The following CNTNAP2 variants were observed in gnomAD, a reference collection of about 807,000 sequenced individuals.
CNTNAP2 encodes contactin-associated protein-like 2.
A neutral mutation model predicts 155.2 loss-of-function variants in CNTNAP2; 98 were observed. The observed-to-expected ratio is 0.63, with a 90% confidence interval of 0.54 to 0.75. The LOEUF is 0.75. Among genes scored for constraint, CNTNAP2 ranks in the 30% least tolerant of loss-of-function variants. The probability of loss-of-function intolerance (pLI) is 0.00; values close to 1 mark genes in which losing one functional copy is unlikely to be tolerated. For synonymous variants in CNTNAP2, 651 were observed against 631.2 expected, an observed-to-expected ratio of 1.03 and a Z score of -0.47; for missense variants, 1,727 against 1,688.1, an observed-to-expected ratio of 1.02 and a Z score of -0.40.
intron 13 of CNTNAP2, among the ~76,000 whole-genome samples, chr7:147,802,714 G>A (rs925191127): frequency 1.3e-5 from 2 of 149,776 alleles, no homozygotes; most frequent in South Asian, 4.3e-4. Context: ...GCAGTGAGCC[G>A]AGATGGCAGC....
chr7:147,810,984 A>C (rs1161882616), intron 13 of CNTNAP2, among the ~76,000 whole-genome samples: 1 of 152,236 alleles, frequency 6.6e-6, no homozygotes, highest in Non-Finnish European at 1.5e-5. Flanking sequence ...ACTCAGTTAC[A>C]GTGTACATGT....
chr7:146,865,801 C>T (rs1394135560), intron 3 of CNTNAP2, among the ~76,000 whole-genome samples: 3 of 152,084 alleles, frequency 2.0e-5, no homozygotes, highest in Non-Finnish European at 4.4e-5. Context: ...TTCTATTCTT[C>T]AAATGACACA....
chr7:148,247,579 G>A (rs1003092250), intron 20 of CNTNAP2, among the ~76,000 whole-genome samples: 3 of 149,344 alleles, frequency 2.0e-5, no homozygotes, highest in South Asian at 2.2e-4. Flanking sequence ...TTGCTGTTTC[G>A]GGTCAGCTTC....
intron 1 of CNTNAP2, among the ~76,000 whole-genome samples, chr7:146,202,317 G>C (rs996532549): frequency 2.0e-5 from 3 of 152,020 alleles, no homozygotes; most frequent in African/African-American, 7.2e-5. Context: ...TTTTTTAACT[G>C]ATGGCTAAAT....
intron 2 of CNTNAP2, among the ~76,000 whole-genome samples, chr7:146,776,709 C>T (rs1802396072): frequency 6.6e-6 from 1 of 151,900 alleles, no homozygotes; most frequent in Non-Finnish European, 1.5e-5. Context: ...ACATCTTTTA[C>T]AAGAAAAAAT....
chr7:147,127,962 A>G (rs1801274659), intron 6 of CNTNAP2, among the ~76,000 whole-genome samples: 1 of 152,160 alleles, frequency 6.6e-6, no homozygotes, highest in African/African-American at 2.4e-5. Context: ...ATTTAATGCT[A>G]TAGTGTATAT....
chr7:146,579,814 G>A (rs1798583936), intron 1 of CNTNAP2, among the ~76,000 whole-genome samples: 1 of 152,078 alleles, frequency 6.6e-6, no homozygotes, highest in Non-Finnish European at 1.5e-5. Context: ...TAATGTAAAG[G>A]TATTTATGTG....
In CNTNAP2 at chr7:146,491,087, G is replaced by A. The variant is rs542019216; in HGVS notation, c.98-283184G>A. 1.7e-3 allele frequency among the ~76,000 whole-genome samples: 255 copies of A among 151,554 alleles called. 1 individual carries two copies. Among genetic ancestry groups the A allele is most frequent in the African/African-American group, 5.9e-3 (244 of 41,364 alleles). The stretch of plus-strand genomic sequence containing the variant: ...AAAAAGGCATAAAGATTTTTGCAAA[G>A]CCCCCCCAAAAAAAACAAAACAACA... On this transcript the variant is annotated intron_variant, in intron 1 of 23. Coordinates refer to ENST00000361727, the MANE Select transcript of CNTNAP2 (RefSeq NM_014141.6).
intron 19 of CNTNAP2, among the ~76,000 whole-genome samples, chr7:148,221,165 G>T (rs747849718): frequency 6.6e-5 from 10 of 152,186 alleles, no homozygotes; most frequent in Non-Finnish European, 1.3e-4. Flanking sequence ...GTCTTCAAGG[G>T]CGTTGATCAA....
intron 14 of CNTNAP2, among the ~76,000 whole-genome samples, chr7:147,942,819 C>T (rs1387515925): frequency 1.3e-5 from 2 of 152,034 alleles, no homozygotes; most frequent in African/African-American, 4.8e-5. Context: ...GGGCGGATCA[C>T]GAGGTCAGGA....
At chr7:146,623,592 G>A (rs1011167276) in intron 1 of CNTNAP2, among the ~76,000 whole-genome samples, 2 of 152,004 alleles carry the variant, frequency 1.3e-5, no homozygotes, top group Non-Finnish European at 2.9e-5. Context: ...TCTTTGCATG[G>A]CTTTTAGCTT....
At chr7:148,013,385 G>A (rs1231742436) in intron 15 of CNTNAP2, among the ~76,000 whole-genome samples, 1 of 152,140 alleles carries the variant, frequency 6.6e-6, no homozygotes, top group African/African-American at 2.4e-5. Context: ...TTTATTTGAA[G>A]GAAGCCAAAA....
chr7:147,623,205 T>C (rs1490434017), intron 12 of CNTNAP2, among the ~76,000 whole-genome samples: 1 of 152,122 alleles, frequency 6.6e-6, no homozygotes, highest in East Asian at 1.9e-4. Context: ...ATGACAAGGA[T>C]GCCTACTTTC....
intron 22 of CNTNAP2, among the ~76,000 whole-genome samples, chr7:148,391,299 G>A (rs1181572951): frequency 6.6e-6 from 1 of 152,136 alleles, no homozygotes; most frequent in Non-Finnish European, 1.5e-5. Context: ...AAATATGAAG[G>A]TGATTTTCAC....
chr7:147,711,971 G>A (rs1796406300), intron 13 of CNTNAP2, among the ~76,000 whole-genome samples: 1 of 152,096 alleles, frequency 6.6e-6, no homozygotes, highest in Non-Finnish European at 1.5e-5. Context: ...ATCATAGGCT[G>A]TATTTGAAAA....
rs937034878 is a variant in CNTNAP2, at chr7:147,276,817, T to A, written c.1349-23324T>A. 8.0e-5 allele frequency among the ~76,000 whole-genome samples: 12 copies of A among 150,878 alleles called. No homozygotes were observed. The South Asian group carries it at 2.5e-3, about 32-fold the overall frequency. The stretch of plus-strand genomic sequence containing the variant: ...TATAAGAAATTTTTCTTTCAAATGC[T>A]GCGTTCAATTGACAAAAAAAAAACT... On this transcript the variant is annotated intron_variant, in intron 8 of 23. Transcript: ENST00000361727.
At chr7:147,016,482 C>T (rs890120481) in intron 3 of CNTNAP2, among the ~76,000 whole-genome samples, 1 of 151,954 alleles carries the variant, frequency 6.6e-6, no homozygotes, top group Non-Finnish European at 1.5e-5. Flanking sequence ...ATATGTTTGG[C>T]TTATCAGAAA....
At chr7:147,062,379 A>C (rs188920415) in intron 4 of CNTNAP2, among the ~76,000 whole-genome samples, 1 of 152,094 alleles carries the variant, frequency 6.6e-6, no homozygotes, top group African/African-American at 2.4e-5. Context: ...GTCACTTTTT[A>C]GTTTAGAGCA....
intron 1 of CNTNAP2, among the ~76,000 whole-genome samples, chr7:146,462,004 C>G (rs73462752): frequency 0.027 from 4,178 of 152,232 alleles, 140 homozygotes; most frequent in African/African-American, 0.074. Flanking sequence ...GCAAATATTA[C>G]TTTAAATATT....
Sources: allele counts gnomAD v4.1 joint callset (sites outside exome capture counted in the v4.1 genomes callset), GRCh38; gene constraint gnomAD v4.1.1; transcripts MANE v1.5; gene names NCBI Gene and HGNC (gene_info 2026-07-23, HGNC 2026-07-21).